The following SLC51A variants were observed in gnomAD, a reference collection of about 807,000 sequenced individuals.
SLC51A encodes solute carrier family 51 member A.
A neutral mutation model predicts 34.8 loss-of-function variants in SLC51A; 22 were observed. The observed-to-expected ratio is 0.63, with a 90% confidence interval of 0.45 to 0.90. The LOEUF (loss-of-function observed/expected upper bound fraction) is 0.90, where lower values mean the gene tolerates loss of function less well. Among genes scored for constraint, SLC51A ranks in the 40% least tolerant of loss-of-function variants. The probability of loss-of-function intolerance (pLI) is 0.00; values close to 1 mark genes in which losing one functional copy is unlikely to be tolerated. For missense variants in SLC51A, 371 were observed against 414.8 expected, an observed-to-expected ratio of 0.89 and a Z score of 0.92; for synonymous variants, 181 against 176.3, an observed-to-expected ratio of 1.03 and a Z score of -0.21.
chr3:196,228,403 C>G lies in SLC51A; in HGVS notation c.521+130C>G. 1 of 1,218,126 alleles carries G rather than the reference C, an allele frequency of 8.2e-7. No homozygotes were observed. The highest frequency in any genetic ancestry group is 1.1e-6 in the Non-Finnish European group (1 of 898,716). 75.5% of individuals were successfully genotyped at this position (1,218,126 alleles called of 1,614,324 possible). On this transcript the variant is annotated intron_variant, in intron 5 of 8. Coordinates refer to ENST00000296327, the MANE Select transcript of SLC51A (RefSeq NM_152672.6). This position sits in a 1 kb window ranked among gnomAD's most constrained non-coding sequence, Gnocchi z 4.9. Reference sequence around the variant, plus strand: ...TGACGGAAGGGTGGGCATCCCACGGCCAGGACCCACGGGCGCCACCCTCAG... The same window carrying G: ...TGACGGAAGGGTGGGCATCCCACGGGCAGGACCCACGGGCGCCACCCTCAG...
chr3:196,225,231 C>T, intron 2 of SLC51A, among the ~76,000 whole-genome samples: 1 of 152,100 alleles, frequency 6.6e-6, no homozygotes, highest in East Asian at 1.9e-4. Flanking sequence ...ACCTCAGCTT[C>T]CCAAAGTGCT....
rs1723940037 is a variant in SLC51A, at chr3:196,228,018, C to T, written c.363-97C>T. 3 of 1,512,328 alleles carry T rather than the reference C, an allele frequency of 2.0e-6. No homozygotes were observed. Among genetic ancestry groups the T allele is most frequent in the African/African-American group, 2.8e-5 (2 of 72,200 alleles). The allele number at this position is 1,512,328 out of a possible 1,614,324, so 93.7% of individuals were successfully genotyped here. On this transcript the variant is annotated intron_variant, in intron 4 of 8. Transcript: ENST00000296327. The surrounding 1 kb of genome is among the most constrained non-coding windows in gnomAD (Gnocchi z 4.9). The stretch of plus-strand genomic sequence containing the variant: ...CCTCTTGGGTCACACACCCAGAACG[C>T]CCAGCCCTAGCTCTGCTCCTCAGTA...
chr3:196,225,662 G>A (rs1411037629), intron 2 of SLC51A: 1 of 152,154 alleles, frequency 6.6e-6, no homozygotes, highest in Admixed American at 6.5e-5. Flanking sequence ...TAAAACTAAC[G>A]GCTGCATTAA....
At chr3:196,225,025 CTTT>C (rs34324841) in intron 2 of SLC51A, among the ~76,000 whole-genome samples, 18 of 140,520 alleles carry the variant, frequency 1.3e-4, no homozygotes, top group Admixed American at 3.6e-4. Context: ...AGGTATTTTC[CTTT>C]TTTTTTTTTT....
intron 2 of SLC51A, among the ~76,000 whole-genome samples, chr3:196,224,665 A>C (rs977032289): frequency 7.2e-6 from 1 of 139,726 alleles, no homozygotes; most frequent in Non-Finnish European, 1.5e-5. Context: ...GACAAGAGTG[A>C]AACTTCGTTG....
rs751551087 is a variant in SLC51A, at chr3:196,216,660, C to T, written c.-53C>T. 21 of 1,546,096 alleles carry T rather than the reference C, an allele frequency of 1.4e-5. No individual in the cohort carries two copies. The highest frequency in any genetic ancestry group is 9.8e-5 in the Admixed American group (5 of 50,994). On this transcript the variant is annotated 5_prime_UTR_variant, in exon 1 of 9. Coordinates refer to ENST00000296327, the MANE Select transcript of SLC51A (RefSeq NM_152672.6). The surrounding 1 kb of genome is among the most constrained non-coding windows in gnomAD (Gnocchi z 4.5). ...GCCCCCGGCCCCCACCTGCCCGCCCCGCCTGCCCTTCCTCACCCCGGTGCC... is the reference window on the plus strand; with the variant it reads ...GCCCCCGGCCCCCACCTGCCCGCCCTGCCTGCCCTTCCTCACCCCGGTGCC...
intron 3 of SLC51A, 22 bp downstream of exon 3, chr3:196,227,141 T>G: frequency 1.9e-6 from 3 of 1,609,186 alleles, no homozygotes; most frequent in Non-Finnish European, 2.5e-6. Flanking sequence ...GGGGCTGCCC[T>G]GTGGGGGGAA....
chr3:196,224,126 T>A (rs1035372632), intron 2 of SLC51A: 8 of 215,254 alleles, frequency 3.7e-5, no homozygotes, highest in African/African-American at 1.9e-4. Flanking sequence ...CCCAAAGTGC[T>A]GGGATTACAG....
At position 196,216,810 on chromosome 3, in the gene SLC51A, G is replaced by A. The variant is rs1056584874; in HGVS notation, c.38+60G>A. The A allele has an allele frequency of 2.7e-6, 4 of 1,504,794 alleles. No homozygotes were observed. In the Admixed American group the frequency reaches 6.1e-5, roughly 23 times the overall value. 93.2% of individuals were successfully genotyped at this position (1,504,794 alleles called of 1,614,324 possible). A position where few individuals can be genotyped will look rare whatever the true frequency, so the allele number is the denominator to read the frequency against. On this transcript the variant is annotated intron_variant, in intron 1 of 8. Transcript: ENST00000296327. This position sits in a 1 kb window ranked among gnomAD's most constrained non-coding sequence, Gnocchi z 4.5. ...GGGCAGCGGTGGCCCCTATCCCGCG[G>A]CCTGTCCTCTCTCCCTCCCAGAGCC...
chr3:196,224,610 A>G (rs2108754801), intron 2 of SLC51A, among the ~76,000 whole-genome samples: 1 of 145,386 alleles, frequency 6.9e-6, no homozygotes, highest in East Asian at 2.0e-4. Flanking sequence ...TGGGAGGTGG[A>G]GGCTGCAGTA....
rs1346826023 is a variant in SLC51A at position 196,216,551 on chromosome 3, C to T, written c.-162C>T. ...TGAACTCTGAGATAGAAAGTTGGCC[C>T]GGGAAGCTCAAGGAGGGAGAGCGGC... On this transcript the variant is annotated 5_prime_UTR_variant, in exon 1 of 9. Transcript: ENST00000296327. This position sits in a 1 kb window ranked among gnomAD's most constrained non-coding sequence, Gnocchi z 4.5. The T allele has an allele frequency of 6.6e-6, 5 of 760,212 alleles. No homozygotes were observed. The highest frequency in any genetic ancestry group is 1.5e-5 in the South Asian group (1 of 66,546). 47.1% of individuals were successfully genotyped at this position (760,212 alleles called of 1,614,324 possible).
intron 8 of SLC51A, 55 bp downstream of exon 8, chr3:196,232,579 A>G: frequency 7.0e-7 from 1 of 1,433,194 alleles, no homozygotes; most frequent in Non-Finnish European, 9.8e-7. Context: ...GGGGAGAGTC[A>G]GGAAAGAAGG....
In SLC51A at chr3:196,216,768, G is replaced by A. The variant is rs1194595364; in HGVS notation, c.38+18G>A. The A allele has an allele frequency of 1.9e-6, 3 of 1,566,998 alleles. No homozygotes were observed. The highest frequency in any genetic ancestry group is 2.4e-5 in the East Asian group (1 of 42,270). On this transcript the variant is annotated intron_variant, in intron 1 of 8. Coordinates refer to ENST00000296327, the MANE Select transcript of SLC51A (RefSeq NM_152672.6). The surrounding 1 kb of genome is among the most constrained non-coding windows in gnomAD (Gnocchi z 4.5). ...GACCCCAGGTAAGTGAGGGCGGCGGGCCCTGGGCCAGTCGCTGGGCAGCGG... is the reference window on the plus strand; with the variant it reads ...GACCCCAGGTAAGTGAGGGCGGCGGACCCTGGGCCAGTCGCTGGGCAGCGG...
chr3:196,229,014 G>A, intron 6 of SLC51A, 94 bp downstream of exon 6: 2 of 1,077,596 alleles, frequency 1.9e-6, no homozygotes, highest in Admixed American at 1.9e-5. Context: ...CTTGACAGAG[G>A]GCCCCAGAAA....
chr3:196,226,330 C>CA (rs1203836687), intron 2 of SLC51A, among the ~76,000 whole-genome samples: 4 of 151,084 alleles, frequency 2.6e-5, no homozygotes, highest in Non-Finnish European at 4.4e-5. Context: ...CTCCTCCCCA[C>CA]AAAAAAGTTC....
chr3:196,224,147 CT>C (rs1403711358), intron 2 of SLC51A: 1 of 186,076 alleles, frequency 5.4e-6, no homozygotes, highest in Non-Finnish European at 1.1e-5. Flanking sequence ...GCATGAGCCA[CT>C]GTGCCTAGCC....
Position 196,217,860 on chromosome 3 carries a change from GGAGGTGCTGAA to G in SLC51A, c.60_70del (p.Glu20AspfsTer32), listed in dbSNP as rs1380651990. The stretch of plus-strand genomic sequence containing the variant: ...TCGCCAGGTACACAGCAGATCTTCT[GGAGGTGCTGAA>G]GACCAATTACGGCATCCCCTCCGCC... On this transcript the variant is annotated frameshift_variant, in exon 2 of 9. Transcript: ENST00000296327. LOFTEE classifies it high-confidence loss of function. 3 of 1,613,592 alleles carry G rather than the reference GGAGGTGCTGAA, an allele frequency of 1.9e-6. No individual in the cohort carries two copies. Among genetic ancestry groups the G allele is most frequent in the Non-Finnish European group, 2.5e-6 (3 of 1,179,876 alleles).
At chr3:196,219,198 C>G (rs1203265039) in intron 2 of SLC51A, among the ~76,000 whole-genome samples, 1 of 152,054 alleles carries the variant, frequency 6.6e-6, no homozygotes, top group Admixed American at 6.6e-5. Flanking sequence ...TGCACTGCAG[C>G]CTGGGCAACA....
chr3:196,223,748 AAAG>A (rs754411242), intron 2 of SLC51A: 4,583 of 171,910 alleles, frequency 0.027, 71 homozygotes, highest in African/African-American at 0.042. Flanking sequence ...AAAAAAAAAA[AAAG>A]AAAGAAAGAA....
Sources: gnomAD v4.1 joint callset for allele counts (sites outside exome capture counted in the v4.1 genomes callset) on GRCh38, gnomAD v4.1.1 for gene constraint, Gnocchi (gnomAD v3.1) non-coding constraint, MANE v1.5 for transcripts, NCBI Gene and HGNC (gene_info 2026-07-23, HGNC 2026-07-21) for gene names.